Variants in DLGAP2 observed in about 807,000 individuals in gnomAD.
The protein encoded by DLGAP2 is DLG associated protein 2.
DLGAP2 carries 26 observed loss-of-function variants against 100.3 expected under a neutral mutation model. The observed-to-expected ratio is 0.26, with a 90% CI of 0.19 to 0.36. DLGAP2 has a LOEUF of 0.36. DLGAP2 is among the 10% of genes least tolerant of loss of function. The pLI is 1.00. For synonymous variants in DLGAP2, 886 were observed against 630.1 expected (o/e 1.41, Z -6.08); for missense variants, 1,858 against 1,453.2 (o/e 1.28, Z -4.53).
chr8:981,110 C>G (rs1393675685), intron 2 of DLGAP2, among the ~76,000 whole-genome samples: 1 of 152,092 alleles, frequency 6.6e-6, no homozygotes, highest in African/African-American at 2.4e-5. Context: ...CACCTGTAAC[C>G]TACTGTCTGT....
chr8:1,237,155 G>C (rs1306728222), intron 2 of DLGAP2, among the ~76,000 whole-genome samples: 1 of 134,956 alleles, frequency 7.4e-6, no homozygotes, highest in Non-Finnish European at 1.6e-5. Context: ...CTCTCACATG[G>C]CGCCGTGTCT....
intron 2 of DLGAP2, among the ~76,000 whole-genome samples, chr8:1,042,879 G>A (rs1336936286): frequency 4.4e-5 from 6 of 137,740 alleles, no homozygotes; most frequent in African/African-American, 8.5e-5. Context: ...TGTGGGTGGT[G>A]GGTGTGGGTG....
intron 3 of DLGAP2, among the ~76,000 whole-genome samples, chr8:1,389,324 C>A (rs887717132): frequency 6.0e-5 from 9 of 149,344 alleles, no homozygotes; most frequent in Non-Finnish European, 1.2e-4. Context: ...GACGTGGCTT[C>A]CTCCCAGTCA....
intron 2 of DLGAP2, among the ~76,000 whole-genome samples, chr8:1,044,506 C>A (rs1421289063): frequency 6.6e-6 from 1 of 152,204 alleles, no homozygotes; most frequent in Non-Finnish European, 1.5e-5. Flanking sequence ...GAAATCTGTG[C>A]CATAGGACAT....
At chr8:1,638,372 G>A (rs1020223555) in intron 8 of DLGAP2, among the ~76,000 whole-genome samples, 3 of 152,196 alleles carry the variant, frequency 2.0e-5, no homozygotes, top group South Asian at 4.1e-4. Flanking sequence ...GTGAGGACCC[G>A]GGGAGAAGAC....
intron 3 of DLGAP2, chr8:1,369,978 G>C (rs1429117118): frequency 6.6e-6 from 1 of 152,228 alleles, no homozygotes; most frequent in Non-Finnish European, 1.5e-5. Context: ...AGTGATGGGG[G>C]CCTTAGGGCT....
intron 2 of DLGAP2, among the ~76,000 whole-genome samples, chr8:1,039,922 C>T (rs1474035038): frequency 2.7e-5 from 4 of 149,344 alleles, no homozygotes; most frequent in Admixed American, 2.0e-4. Context: ...GCGTGGTCAG[C>T]TCGGTGTGCA....
chr8:978,476 G>A (rs1489666709), intron 2 of DLGAP2, among the ~76,000 whole-genome samples: 2 of 74,510 alleles, frequency 2.7e-5, no homozygotes, highest in East Asian at 9.8e-4. Context: ...AGGGCGTCGG[G>A]GATGCAGTGA....
chr8:1,225,108 G>C (rs1798388092), intron 2 of DLGAP2, among the ~76,000 whole-genome samples: 1 of 152,180 alleles, frequency 6.6e-6, no homozygotes, highest in Non-Finnish European at 1.5e-5. Flanking sequence ...GCTGGAAATA[G>C]GTGCCCAAAC....
intron 2 of DLGAP2, among the ~76,000 whole-genome samples, chr8:1,256,358 G>C (rs1288156169): frequency 1.4e-5 from 2 of 144,380 alleles, no homozygotes; most frequent in African/African-American, 5.2e-5. Context: ...CTCCTGCCCG[G>C]GTGCTGTGTG....
At chr8:1,167,629 G>C (rs1316872202) in intron 2 of DLGAP2, among the ~76,000 whole-genome samples, 1 of 152,128 alleles carries the variant, frequency 6.6e-6, no homozygotes, top group Admixed American at 6.5e-5. Context: ...ATTTAACCTT[G>C]TTTTAATGTT....
At chr8:961,752 C>T (rs1482678634) in intron 2 of DLGAP2, among the ~76,000 whole-genome samples, 1 of 152,228 alleles carries the variant, frequency 6.6e-6, no homozygotes, top group Non-Finnish European at 1.5e-5. Flanking sequence ...TTTATCCCGA[C>T]ATTCTGACAT....
At chr8:749,870 C>T (rs1820747466) in intron 1 of DLGAP2, among the ~76,000 whole-genome samples, 1 of 152,202 alleles carries the variant, frequency 6.6e-6, no homozygotes, top group Non-Finnish European at 1.5e-5. Context: ...GTCCCCTCCT[C>T]TCCTGGCTTC....
intron 6 of DLGAP2, among the ~76,000 whole-genome samples, chr8:1,615,327 C>G (rs1797114820): frequency 6.6e-6 from 1 of 152,180 alleles, no homozygotes; most frequent in South Asian, 2.1e-4. Context: ...CGGCCACAAC[C>G]AAAATTAGCA....
At chr8:1,680,871 C>T (rs1340250669) in intron 12 of DLGAP2, 1 of 152,154 alleles carries the variant, frequency 6.6e-6, no homozygotes, top group Non-Finnish European at 1.5e-5. Flanking sequence ...TAAGTTGACG[C>T]CAAATTAAAT....
intron 2 of DLGAP2, among the ~76,000 whole-genome samples, chr8:1,128,086 A>G (rs976643769): frequency 2.7e-5 from 4 of 150,864 alleles, no homozygotes; most frequent in African/African-American, 9.8e-5. Context: ...GTTGTGTTCC[A>G]TGAGGACCTG....
rs1361890198 is a variant in DLGAP2 at position 1,429,997 on chromosome 8, C to CATATATATATATATATATATATATATAT, written c.107-71360_107-71359insTATATATATATATATATATATATATATA. On this transcript the variant is annotated intron_variant, in intron 3 of 14. Transcript: ENST00000637795. ...GAATGAAAGCAGAAGGGGAGAGATG[C>CATATATATATATATATATATATATATAT]ATATATATACATATATATATATATA... 9.2e-4 allele frequency among the ~76,000 whole-genome samples: 18 copies of CATATATATATATATATATATATATATAT among 19,630 alleles called. 4 individuals are homozygous for CATATATATATATATATATATATATATAT. Among genetic ancestry groups the CATATATATATATATATATATATATATAT allele is most frequent in the Admixed American group, 1.8e-3 (2 of 1,088 alleles). 12.9% of individuals were successfully genotyped at this position (19,630 alleles called of 152,430 possible).
intron 3 of DLGAP2, among the ~76,000 whole-genome samples, chr8:1,425,328 G>C (rs1797208478): frequency 1.3e-5 from 2 of 152,190 alleles, no homozygotes; most frequent in Non-Finnish European, 1.5e-5. Flanking sequence ...TGCTTGATCT[G>C]TCAGAAGGGG....
At chr8:951,680 G>A (rs1392332275) in intron 2 of DLGAP2, among the ~76,000 whole-genome samples, 1 of 152,172 alleles carries the variant, frequency 6.6e-6, no homozygotes, top group Non-Finnish European at 1.5e-5. Flanking sequence ...GGCATGCTGT[G>A]CTGGGACATG....
Sources: allele counts gnomAD v4.1 joint callset (sites outside exome capture counted in the v4.1 genomes callset), GRCh38; gene constraint gnomAD v4.1.1; transcripts MANE v1.5; gene names NCBI Gene and HGNC (gene_info 2026-07-23, HGNC 2026-07-21).